ADGRB3: variants seen among roughly 807,000 people sequenced by gnomAD.
The protein encoded by ADGRB3 is brain-specific angiogenesis inhibitor 3.
Under a neutral mutation model 193.4 loss-of-function variants are expected in ADGRB3, and 37 were observed. The observed-to-expected ratio is 0.19, with a 90% CI of 0.15 to 0.25. The LOEUF (loss-of-function observed/expected upper bound fraction) is 0.25, where lower values mean the gene tolerates loss of function less well. Ranked by LOEUF, ADGRB3 falls within the 10% of genes least tolerant of loss-of-function variation. The probability of loss-of-function intolerance (pLI) is 1.00; values close to 1 mark genes in which losing one functional copy is unlikely to be tolerated. For missense variants in ADGRB3, 1,637 were observed against 1,852.9 expected, an observed-to-expected ratio of 0.88 and a Z score of 2.14; for synonymous variants, 690 against 644.2, an observed-to-expected ratio of 1.07 and a Z score of -1.08.
intron 3 of ADGRB3, among the ~76,000 whole-genome samples, chr6:68,793,190 C>G (rs967829065): frequency 4.6e-5 from 7 of 152,116 alleles, no homozygotes; most frequent in African/African-American, 1.7e-4. Flanking sequence ...GTCCTGTAAA[C>G]TGTTCGTGCA....
At chr6:69,062,764 A>G (rs956968846) in intron 15 of ADGRB3, among the ~76,000 whole-genome samples, 170 bp from the exon 16 acceptor site, 3 of 151,930 alleles carry the variant, frequency 2.0e-5, no homozygotes, top group African/African-American at 7.2e-5. Context: ...TTTCTGTTCC[A>G]CATAAGGTTT....
chr6:69,158,895 G>T (rs1035896563), intron 17 of ADGRB3, among the ~76,000 whole-genome samples: 16 of 151,960 alleles, frequency 1.1e-4, no homozygotes, highest in African/African-American at 3.9e-4. Context: ...TCTTATTGAG[G>T]ATCTGAATAA....
intron 3 of ADGRB3, among the ~76,000 whole-genome samples, chr6:68,756,222 A>G (rs79668817): frequency 0.022 from 3,387 of 152,322 alleles, 63 homozygotes; most frequent in South Asian, 0.075. Flanking sequence ...AATGCCACCA[A>G]TGAAAAAATT....
chr6:69,169,338 G>A (rs564721964), intron 17 of ADGRB3, among the ~76,000 whole-genome samples: 9 of 151,782 alleles, frequency 5.9e-5, no homozygotes, highest in East Asian at 1.9e-4. Flanking sequence ...ATATAACTTC[G>A]TATTAGAGTT....
chr6:69,215,243 T>C (rs1381226568), intron 17 of ADGRB3, among the ~76,000 whole-genome samples: 1 of 152,174 alleles, frequency 6.6e-6, no homozygotes, highest in Non-Finnish European at 1.5e-5. Context: ...TAATTTTAAC[T>C]TTATAACATT....
At chr6:69,169,980 C>G (rs1384150667) in intron 17 of ADGRB3, among the ~76,000 whole-genome samples, 1 of 152,088 alleles carries the variant, frequency 6.6e-6, no homozygotes, top group Non-Finnish European at 1.5e-5. Flanking sequence ...ACAATTCTAC[C>G]ACGAAGTCAG....
chr6:69,320,342 A>G (rs537888151), intron 20 of ADGRB3, among the ~76,000 whole-genome samples: 5 of 151,300 alleles, frequency 3.3e-5, no homozygotes, highest in African/African-American at 1.2e-4. Flanking sequence ...TTTTTAAACT[A>G]TTTATGTATT....
At chr6:69,341,565 A>G (rs947025470) in intron 26 of ADGRB3, among the ~76,000 whole-genome samples, 29 of 152,174 alleles carry the variant, frequency 1.9e-4, no homozygotes, top group African/African-American at 7.0e-4. Flanking sequence ...ACTGTTGCCA[A>G]GCCTTACTAT....
chr6:68,994,658 T>G (rs1769333946), intron 11 of ADGRB3, among the ~76,000 whole-genome samples: 1 of 152,206 alleles, frequency 6.6e-6, no homozygotes, highest in African/African-American at 2.4e-5. Flanking sequence ...CGTTTCAGAT[T>G]AACTCTTTTT....
intron 3 of ADGRB3, among the ~76,000 whole-genome samples, chr6:68,860,949 G>T (rs1279154308): frequency 6.6e-6 from 1 of 152,118 alleles, no homozygotes; most frequent in Non-Finnish European, 1.5e-5. Flanking sequence ...TTAAAAGTTA[G>T]TTACAAAGTG....
At chr6:69,081,086 A>G (rs1022634972) in intron 17 of ADGRB3, among the ~76,000 whole-genome samples, 1 of 152,042 alleles carries the variant, frequency 6.6e-6, no homozygotes, top group Admixed American at 6.6e-5. Context: ...CAGTAGGTAT[A>G]TTCGTAGTCA....
At chr6:69,339,569 T>C in intron 26 of ADGRB3, 65 bp downstream of exon 26, 2 of 1,506,022 alleles carry the variant, frequency 1.3e-6, no homozygotes, top group Non-Finnish European at 1.8e-6. Context: ...CTAAAAAGAA[T>C]GATCTTTTAA....
intron 23 of ADGRB3, 139 bp downstream of exon 23, chr6:69,330,711 T>TA: frequency 5.8e-6 from 3 of 514,594 alleles, no homozygotes; most frequent in Non-Finnish European, 9.8e-6. Flanking sequence ...TCTAATTGAA[T>TA]ATAAATTATT....
At chr6:69,187,901 G>A (rs1050928532) in intron 17 of ADGRB3, among the ~76,000 whole-genome samples, 2 of 152,156 alleles carry the variant, frequency 1.3e-5, no homozygotes, top group African/African-American at 2.4e-5. Context: ...AATCAGCAAA[G>A]ATGGAGAACC....
At chr6:68,995,454 A>G (rs1769358218) in intron 11 of ADGRB3, among the ~76,000 whole-genome samples, 2 of 152,210 alleles carry the variant, frequency 1.3e-5, no homozygotes, top group South Asian at 4.1e-4. Context: ...TGACCAGTTT[A>G]TATTTAGAAC....
intron 3 of ADGRB3, among the ~76,000 whole-genome samples, chr6:68,651,676 A>G (rs1582098464): frequency 6.6e-6 from 1 of 152,144 alleles, no homozygotes; most frequent in East Asian, 1.9e-4. Context: ...TCCCCTTAGC[A>G]GTGGAACCTT....
At chr6:69,148,353 T>C (rs566763667) in intron 17 of ADGRB3, among the ~76,000 whole-genome samples, 1 of 152,304 alleles carries the variant, frequency 6.6e-6, no homozygotes, top group African/African-American at 2.4e-5. Flanking sequence ...TTATAACCCA[T>C]TGTTTTAAAC....
At chr6:69,092,816 G>T (rs1368183976) in intron 17 of ADGRB3, among the ~76,000 whole-genome samples, 1 of 152,206 alleles carries the variant, frequency 6.6e-6, no homozygotes, top group Non-Finnish European at 1.5e-5. Context: ...GTGGGTGACT[G>T]GGGGAGGGAA....
At chr6:68,994,101 G>A (rs1769318393) in intron 11 of ADGRB3, 139 bp downstream of exon 11, 1 of 802,768 alleles carries the variant, frequency 1.2e-6, no homozygotes, top group Non-Finnish European at 1.9e-6. Flanking sequence ...GTGAGCTCTG[G>A]AAATGACCTC....
Sources: allele counts gnomAD v4.1 joint callset (sites outside exome capture counted in the v4.1 genomes callset), GRCh38; gene constraint gnomAD v4.1.1; transcripts MANE v1.5; gene names NCBI Gene and HGNC (gene_info 2026-07-23, HGNC 2026-07-21).